SIDT2: variants seen among roughly 807,000 people sequenced by gnomAD.
The protein encoded by SIDT2 is SID1 transmembrane family member 2, also known as SID1 transmembrane family, member 2.
Under a neutral mutation model 114.4 loss-of-function variants are expected in SIDT2, and 68 were observed. The observed-to-expected ratio is 0.59, with a 90% CI of 0.49 to 0.73. The LOEUF (loss-of-function observed/expected upper bound fraction) is 0.73, where lower values mean the gene tolerates loss of function less well. Ranked by LOEUF, SIDT2 falls within the 30% of genes least tolerant of loss-of-function variation. The probability of loss-of-function intolerance (pLI) is 0.00; values close to 1 mark genes in which losing one functional copy is unlikely to be tolerated. For missense variants in SIDT2, 918 were observed against 1,097.1 expected (o/e 0.84, Z 2.31); for synonymous variants, 470 against 438.4 (o/e 1.07, Z -0.90).
At chr11:117,184,051 C>G (rs1386676721) in intron 7 of SIDT2, 23 bp from the exon 8 acceptor site, 2 of 1,613,846 alleles carry the variant, frequency 1.2e-6, no homozygotes, top group African/African-American at 2.7e-5. Context: ...AACTAGTTTA[C>G]CACTTTGACA....
At position 117,188,404 on chromosome 11, in the gene SIDT2, C is replaced by T. The variant is rs1200659225; in HGVS notation, c.1160-304C>T. Reference sequence around the variant, plus strand: ...CAATCCTGTTGTTTGTGTCTGCTGCCTGGGGTCTGCCTTGTGTCCTGGCCT... The same window carrying T: ...CAATCCTGTTGTTTGTGTCTGCTGCTTGGGGTCTGCCTTGTGTCCTGGCCT... On this transcript the variant is annotated intron_variant, in intron 12 of 25. Transcript: ENST00000324225. The surrounding 1 kb of genome is among the most constrained non-coding windows in gnomAD (Gnocchi z 4.0). 3 of 453,100 alleles carry T rather than the reference C, an allele frequency of 6.6e-6. No homozygotes were observed. The highest frequency in any genetic ancestry group is 5.9e-5 in the African/African-American group (3 of 51,148). The allele number at this position is 453,100 out of a possible 1,614,324, so 28.1% of individuals were successfully genotyped here.
chr11:117,183,693 G>A, intron 6 of SIDT2, 86 bp from the exon 7 acceptor site: 1 of 986,640 alleles, frequency 1.0e-6, no homozygotes, highest in Non-Finnish European at 1.6e-6. Flanking sequence ...GAAGAATTTA[G>A]CATAATGTCT....
In SIDT2 at chr11:117,188,649, G is replaced by T; in HGVS notation, c.1160-59G>T. The T allele has an allele frequency of 7.6e-7, 1 of 1,323,250 alleles. No individual in the cohort carries two copies. The highest frequency in any genetic ancestry group is 1.1e-6 in the Non-Finnish European group (1 of 915,554). 82.0% of individuals were successfully genotyped at this position (1,323,250 alleles called of 1,614,324 possible). A position where few individuals can be genotyped will look rare whatever the true frequency, so the allele number is the denominator to read the frequency against. On this transcript the variant is annotated intron_variant, in intron 12 of 25. Transcript: ENST00000324225. This position sits in a 1 kb window ranked among gnomAD's most constrained non-coding sequence, Gnocchi z 4.0. ...ATTGTTACAATTGCCTCAGATGGGC[G>T]AGGGCCACTGTGGGTTTTGTGTCCA...
At position 117,196,343 on chromosome 11, in the gene SIDT2, G is replaced by T; in HGVS notation, c.*277G>T. ...TTCTCAGTGTTGGGGCCTTCCATGG[G>T]CCCCTGTCCTTTGGCTCTCCATTTG... On this transcript the variant is annotated 3_prime_UTR_variant, in exon 26 of 26. Transcript: ENST00000324225. This position sits in a 1 kb window ranked among gnomAD's most constrained non-coding sequence, Gnocchi z 4.9. The T allele has an allele frequency of 2.0e-6, 1 of 498,070 alleles. No individual in the cohort carries two copies. The highest frequency in any genetic ancestry group is 3.6e-6 in the Non-Finnish European group (1 of 274,592). 30.9% of individuals were successfully genotyped at this position (498,070 alleles called of 1,614,324 possible).
chr11:117,195,408 G>C (rs1350814079), intron 24 of SIDT2, among the ~76,000 whole-genome samples: 1 of 152,122 alleles, frequency 6.6e-6, no homozygotes, highest in African/African-American at 2.4e-5. Flanking sequence ...GTAGTGCTTT[G>C]GAAAAAACAA....
rs1489122278 is a variant in SIDT2 at position 117,192,678 on chromosome 11, C to T, written c.2058+28C>T. 6.2e-7 allele frequency: 1 copy of T among 1,612,870 alleles called. No homozygotes were observed. The highest frequency in any genetic ancestry group is 1.7e-5 in the Admixed American group (1 of 60,028). ...ACCTGCCTGGTTCCCCTGCTCCATT[C>T]TCCACATCTCCTTTCTTCCCTCTGA... On this transcript the variant is annotated intron_variant, in intron 21 of 25. Coordinates refer to ENST00000324225, the MANE Select transcript of SIDT2 (RefSeq NM_001040455.2). The surrounding 1 kb of genome is among the most constrained non-coding windows in gnomAD (Gnocchi z 5.9).
chr11:117,194,468 A>G (rs2030818370), intron 24 of SIDT2, among the ~76,000 whole-genome samples: 1 of 152,250 alleles, frequency 6.6e-6, no homozygotes, highest in African/African-American at 2.4e-5. Flanking sequence ...TCCCCAGGGC[A>G]CATAGCCAGT....
At chr11:117,193,341 T>C (rs2030771392) in intron 23 of SIDT2, 83 bp downstream of exon 23, 1 of 1,211,892 alleles carries the variant, frequency 8.3e-7, no homozygotes, top group Non-Finnish European at 1.2e-6. Flanking sequence ...TGAGGGGCAG[T>C]GAGAAGTTTT....
At position 117,186,213 on chromosome 11, in the gene SIDT2, G is replaced by A; in HGVS notation, c.952G>A (p.Glu318Lys). ...YLLTVLLACWENWRQKKKTLL... is the reference protein window; with the variant it reads ...YLLTVLLACWKNWRQKKKTLL... The stretch of plus-strand genomic sequence containing the variant: ...GCTGACCGTCCTCCTGGCCTGCTGG[G>A]AGAACTGGAGGTAAAGTGGAACTGC... The change falls in exon 9 of 26, where the codon GAG (glutamate) becomes AAG (lysine). Residue 318 changes from glutamate (E) to lysine (K), a missense_variant. Physicochemically the swap from Glu to Lys is moderately conservative, Grantham distance 56. This residue lies in a region of SIDT2 where 553 missense variants were observed against 600.1 expected (regional missense o/e 0.92). Transcript: ENST00000324225. 6.2e-7 allele frequency: 1 copy of A among 1,614,092 alleles called. No individual in the cohort carries two copies. The highest frequency in any genetic ancestry group is 1.3e-5 in the African/African-American group (1 of 75,032).
intron 23 of SIDT2, 28 bp downstream of exon 23, chr11:117,193,286 G>C: frequency 6.4e-7 from 1 of 1,568,342 alleles, no homozygotes; most frequent in Non-Finnish European, 8.8e-7. Flanking sequence ...AGCCCCCTCT[G>C]TCAGCTGCTC....
chr11:117,189,133 T>C lies in SIDT2; in HGVS notation c.1279-36T>C, dbSNP rs777135782. The C allele has an allele frequency of 6.2e-6, 10 of 1,605,538 alleles. No individual in the cohort carries two copies. In the African/African-American group the frequency reaches 1.1e-4, roughly 17 times the overall value. On this transcript the variant is annotated intron_variant, in intron 13 of 25. Transcript: ENST00000324225. ...CCTGGGGGAGGGGGCTTCTCCCAAG[T>C]AGCAGTAAGTGGGGCTGATTCCAGC...
chr11:117,190,649 G>T lies in SIDT2; in HGVS notation c.1644G>T (p.Gly548=). 1 of 1,598,774 alleles carries T rather than the reference G, an allele frequency of 6.3e-7. No individual in the cohort carries two copies. The highest frequency in any genetic ancestry group is 8.5e-7 in the Non-Finnish European group (1 of 1,171,762). ...ALECGIPKHF[G]LFYAMGTALM... is the part of the protein sequence containing the mutation. ...AATGTGGGATCCCCAAACACTTTGG[G>T]CTTTTCTACGCCATGGGCACAGCCC... is the stretch of plus-strand genomic sequence containing the variant. Residue 548 remains glycine, a synonymous_variant, in exon 18 of 26, where the codon GGG becomes GGT. Coordinates refer to ENST00000324225, the MANE Select transcript of SIDT2 (RefSeq NM_001040455.2). This position sits in a 1 kb window ranked among gnomAD's most constrained non-coding sequence, Gnocchi z 4.1.
rs747477100 is a variant in SIDT2, at chr11:117,189,254, G to T, written c.1352+12G>T. On this transcript the variant is annotated intron_variant, in intron 14 of 25. Transcript: ENST00000324225. ...CAGATCTACTTCTGGTGAGTGGGCT[G>T]AGTGTCTGGGGCTCTGCTGTTGGTG... 1 of 1,614,232 alleles carries T rather than the reference G, an allele frequency of 6.2e-7. No individual in the cohort carries two copies. Among genetic ancestry groups the T allele is most frequent in the South Asian group, 1.1e-5 (1 of 91,078 alleles).
At chr11:117,184,990 G>T (rs564710169) in intron 8 of SIDT2, among the ~76,000 whole-genome samples, 131 of 151,962 alleles carry the variant, frequency 8.6e-4, no homozygotes, top group African/African-American at 3.1e-3. Context: ...GCCTCCCAGA[G>T]TGTGGGATTA....
rs2030894959 is a variant in SIDT2, at chr11:117,196,308, T to G, written c.*242T>G. 6 of 557,192 alleles carry G rather than the reference T, an allele frequency of 1.1e-5. No individual in the cohort carries two copies. The highest frequency in any genetic ancestry group is 1.9e-5 in the African/African-American group (1 of 52,914). The allele number at this position is 557,192 out of a possible 1,614,324, so 34.5% of individuals were successfully genotyped here. On this transcript the variant is annotated 3_prime_UTR_variant, in exon 26 of 26. Coordinates refer to ENST00000324225, the MANE Select transcript of SIDT2 (RefSeq NM_001040455.2). The surrounding 1 kb of genome is among the most constrained non-coding windows in gnomAD (Gnocchi z 4.9). Reference sequence around the variant, plus strand: ...TGGAACCCCCAGATGTTGGCCAAATTGCTGCTTTCTTCTCAGTGTTGGGGC... The same window carrying G: ...TGGAACCCCCAGATGTTGGCCAAATGGCTGCTTTCTTCTCAGTGTTGGGGC...
At chr11:117,195,666 C>T (rs2030870919) in intron 24 of SIDT2, 136 bp from the exon 25 acceptor site, 1 of 829,736 alleles carries the variant, frequency 1.2e-6, no homozygotes, top group South Asian at 1.5e-5. Flanking sequence ...GGGACAAGGA[C>T]AAGGGACAGG....
Position 117,192,366 on chromosome 11 carries a change from A to G in SIDT2, c.1981+4A>G. On this transcript the variant is annotated splice_donor_region_variant and intron_variant, in intron 20 of 25. Transcript: ENST00000324225. This position sits in a 1 kb window ranked among gnomAD's most constrained non-coding sequence, Gnocchi z 5.9. ...TACATGGGCCGGTGGAAACTGGGTA[A>G]GGGCACGCCCGGGGCAGGGCCTGGG... 6.4e-7 allele frequency: 1 copy of G among 1,573,054 alleles called. No individual in the cohort carries two copies. The highest frequency in any genetic ancestry group is 8.7e-7 in the Non-Finnish European group (1 of 1,143,428).
At position 117,179,165 on chromosome 11, in the gene SIDT2, G is replaced by A; in HGVS notation, c.-99G>A. 1 of 1,173,680 alleles carries A rather than the reference G, an allele frequency of 8.5e-7. No homozygotes were observed. Among genetic ancestry groups the A allele is most frequent in the Non-Finnish European group, 1.2e-6 (1 of 833,198 alleles). 72.7% of individuals were successfully genotyped at this position (1,173,680 alleles called of 1,614,324 possible). ...AAAGTTCTGGTCCTGGTGAGATGCT[G>A]GAAGCTGCGGCCGCAGCCGCAACCC... On this transcript the variant is annotated 5_prime_UTR_variant, in exon 1 of 26. Transcript: ENST00000324225.
At chr11:117,186,760 G>A (rs1043755152) in intron 10 of SIDT2, 124 bp downstream of exon 10, 5 of 878,456 alleles carry the variant, frequency 5.7e-6, no homozygotes, top group Middle Eastern at 4.9e-4. Flanking sequence ...TCAGATGGGG[G>A]TAACACTCCA....
Sources: allele counts gnomAD v4.1 joint callset (sites outside exome capture counted in the v4.1 genomes callset), GRCh38; gene constraint gnomAD v4.1.1; regional missense constraint gnomAD v4.1.1; non-coding constraint Gnocchi (gnomAD v3.1); transcripts MANE v1.5; gene names NCBI Gene and HGNC (gene_info 2026-07-23, HGNC 2026-07-21).